The following CPAMD8 variants were observed in gnomAD, a reference collection of about 807,000 sequenced individuals.
The protein encoded by CPAMD8 is C3 and PZP like alpha-2-macroglobulin domain containing 8.
CPAMD8 carries 146 observed loss-of-function variants against 224.7 expected under a neutral mutation model. The ratio of observed to expected loss-of-function variants is 0.65; its 90% CI spans 0.57 to 0.75. The LOEUF (loss-of-function observed/expected upper bound fraction) is 0.75. CPAMD8 is among the 30% of genes least tolerant of loss of function. CPAMD8 has a pLI of 0.00. For synonymous variants in CPAMD8, 966 were observed against 1,044.6 expected (o/e 0.92, Z 1.45); for missense variants, 2,301 against 2,537.5 (o/e 0.91, Z 2.00).
At chr19:16,991,046 A>G (rs138348002) in intron 12 of CPAMD8, among the ~76,000 whole-genome samples, 5 of 151,900 alleles carry the variant, frequency 3.3e-5, no homozygotes, top group Non-Finnish European at 5.9e-5. Context: ...AGGGCAGGAG[A>G]TTGAGATTAG....
intron 18 of CPAMD8, among the ~76,000 whole-genome samples, chr19:16,968,662 A>C (rs1421938934): frequency 6.6e-6 from 1 of 152,202 alleles, no homozygotes; most frequent in Non-Finnish European, 1.5e-5. Context: ...AATTAGAGAC[A>C]GAGTCTCACT....
intron 14 of CPAMD8, among the ~76,000 whole-genome samples, chr19:16,978,758 CATCT>C (rs1267321027): frequency 6.6e-6 from 1 of 152,002 alleles, no homozygotes; most frequent in Non-Finnish European, 1.5e-5. Context: ...TCCATCCATC[CATCT>C]ATCCACTCAT....
chr19:16,897,629 G>A (rs976376746), intron 39 of CPAMD8, 62 bp downstream of exon 39: 52 of 943,694 alleles, frequency 5.5e-5, no homozygotes, highest in South Asian at 4.8e-4. Context: ...CCTGGCGTCC[G>A]AGGGTGGGAG....
intron 24 of CPAMD8, among the ~76,000 whole-genome samples, chr19:16,928,660 C>T (rs920096131): frequency 9.9e-5 from 15 of 152,064 alleles, no homozygotes; most frequent in African/African-American, 3.6e-4. Flanking sequence ...CCAGAAAACA[C>T]CCCCCAACCC....
intron 18 of CPAMD8, among the ~76,000 whole-genome samples, chr19:16,958,584 G>T (rs1035597440): frequency 6.6e-6 from 1 of 152,052 alleles, no homozygotes; most frequent in African/African-American, 2.4e-5. Flanking sequence ...GTGAACATTT[G>T]TGTGCATGGG....
At chr19:17,004,094 C>T (rs373678719) in intron 8 of CPAMD8, among the ~76,000 whole-genome samples, 179 bp downstream of exon 8, 1 of 151,874 alleles carries the variant, frequency 6.6e-6, no homozygotes, top group African/African-American at 2.4e-5. Context: ...TTAGTAGACA[C>T]GAGGTTTCGC....
At chr19:16,977,646 A>T in intron 14 of CPAMD8, 106 bp from the exon 15 acceptor site, 1 of 744,824 alleles carries the variant, frequency 1.3e-6, no homozygotes, top group Non-Finnish European at 2.1e-6. Context: ...GCTCCTGTCT[A>T]CGCATTGAGA....
rs970934334 is a variant in CPAMD8, at chr19:16,904,188, C to T, written c.4251+38G>A. On this transcript the variant is annotated intron_variant, in intron 32 of 41. Coordinates refer to ENST00000443236, the MANE Select transcript of CPAMD8 (RefSeq NM_015692.5). The stretch of plus-strand genomic sequence containing the variant: ...AAGGACTGCAGGGACCCCACCCACC[C>T]AGCCCTGAGCCCCTCCCTCTGGCCC... The T allele has an allele frequency of 3.6e-6, 5 of 1,371,872 alleles. 1 individual carries two copies. In the African/African-American group the frequency reaches 7.2e-5, roughly 20 times the overall value. The allele number at this position is 1,371,872 out of a possible 1,614,324, so 85.0% of individuals were successfully genotyped here.
chr19:16,941,951 G>A (rs868681588), intron 22 of CPAMD8, among the ~76,000 whole-genome samples: 1 of 151,986 alleles, frequency 6.6e-6, no homozygotes, highest in South Asian at 2.1e-4. Flanking sequence ...CCAGCGTGGC[G>A]ACAGAGCGAG....
chr19:16,964,934 A>G (rs1380607512), intron 18 of CPAMD8, among the ~76,000 whole-genome samples: 1 of 152,152 alleles, frequency 6.6e-6, no homozygotes. Flanking sequence ...AGAACCATTG[A>G]CAAAAACCAC....
intron 19 of CPAMD8, among the ~76,000 whole-genome samples, chr19:16,954,436 T>C (rs2054397983): frequency 1.3e-5 from 2 of 152,092 alleles, no homozygotes; most frequent in Non-Finnish European, 2.9e-5. Flanking sequence ...TGTAAAACGC[T>C]GCAGCTGCTG....
intron 22 of CPAMD8, among the ~76,000 whole-genome samples, chr19:16,940,084 G>A (rs1184336708): frequency 6.6e-6 from 1 of 151,800 alleles, no homozygotes; most frequent in African/African-American, 2.4e-5. Flanking sequence ...GCTAATTTTT[G>A]TACTTTTAGT....
chr19:16,995,774 G>A (rs371264994), intron 11 of CPAMD8, among the ~76,000 whole-genome samples: 5 of 152,122 alleles, frequency 3.3e-5, no homozygotes, highest in African/African-American at 9.7e-5. Context: ...CAGCACTTTG[G>A]GGGTCTGAGG....
chr19:17,007,506 GAAGAAAGAAC>G (rs1180221360), intron 7 of CPAMD8, among the ~76,000 whole-genome samples: 1 of 151,782 alleles, frequency 6.6e-6, no homozygotes, highest in Non-Finnish European at 1.5e-5. Flanking sequence ...AGAAGGAGAA[GAAGAAAGAAC>G]AAGAAAGAAG....
rs377621381 is a variant in CPAMD8 at position 16,915,890 on chromosome 19, TTTTC to T, written c.3630-1081_3630-1078del. 2.4e-3 allele frequency among the ~76,000 whole-genome samples: 357 copies of T among 151,332 alleles called. 1 individual carries two copies. Among genetic ancestry groups the T allele is most frequent in the Middle Eastern group, 0.01 (3 of 294 alleles). Reference sequence around the variant, plus strand: ...TTTCTTCTTTCTCTCTTTTCTTTCTTTTTCTTTCTTTCTTTCTCTTTCTCTCTCT... The same window carrying T: ...TTTCTTCTTTCTCTCTTTTCTTTCTTTTTCTTTCTTTCTCTTTCTCTCTCT... On this transcript the variant is annotated intron_variant, in intron 27 of 41. Coordinates refer to ENST00000443236, the MANE Select transcript of CPAMD8 (RefSeq NM_015692.5).
intron 16 of CPAMD8, 75 bp downstream of exon 16, chr19:16,975,927 G>C: frequency 7.4e-7 from 1 of 1,358,610 alleles, no homozygotes; most frequent in African/African-American, 1.5e-5. Flanking sequence ...ATTGGAATGA[G>C]AGATGGGAAA....
intron 25 of CPAMD8, among the ~76,000 whole-genome samples, chr19:16,926,275 A>G (rs1217880375): frequency 6.7e-6 from 1 of 148,722 alleles, no homozygotes; most frequent in East Asian, 2.0e-4. Context: ...TGGGACCCCC[A>G]ATGTCCCCTG....
At chr19:17,025,278 G>A (rs1280730065) in intron 1 of CPAMD8, among the ~76,000 whole-genome samples, 4 of 152,238 alleles carry the variant, frequency 2.6e-5, no homozygotes, top group African/African-American at 9.6e-5. Flanking sequence ...CGGGTGTGGT[G>A]GCACACGCCT....
intron 30 of CPAMD8, among the ~76,000 whole-genome samples, chr19:16,906,680 C>G (rs1332259587): frequency 1.3e-5 from 2 of 151,920 alleles, no homozygotes; most frequent in African/African-American, 4.8e-5. Flanking sequence ...CGTGAGCCAC[C>G]GCGCCTGGTC....
Sources: gnomAD v4.1 joint callset for allele counts (sites outside exome capture counted in the v4.1 genomes callset) on GRCh38, gnomAD v4.1.1 for gene constraint, MANE v1.5 for transcripts, NCBI Gene and HGNC (gene_info 2026-07-23, HGNC 2026-07-21) for gene names.